SCAPER: variants seen among roughly 807,000 people sequenced by gnomAD.
SCAPER encodes S-phase cyclin A associated protein in the ER, also known as S phase cyclin A-associated protein in the endoplasmic reticulum.
Under a neutral mutation model 182.2 loss-of-function variants are expected in SCAPER, and 98 were observed. That is an observed-to-expected ratio of 0.54 (90% CI 0.46 to 0.64). SCAPER has a LOEUF of 0.64. SCAPER is among the 30% of genes least tolerant of loss of function. The pLI, the probability that SCAPER is intolerant of heterozygous loss-of-function variation, is 0.00. For synonymous variants in SCAPER, 605 were observed against 564.6 expected (o/e 1.07, Z -1.01); for missense variants, 1,432 against 1,690.0 (o/e 0.85, Z 2.68).
chr15:76,846,905 A>G (rs879292948), intron 4 of SCAPER, among the ~76,000 whole-genome samples: 3 of 152,158 alleles, frequency 2.0e-5, no homozygotes, highest in African/African-American at 4.8e-5. Flanking sequence ...CTGCACTCTC[A>G]TGTTTGTTGC....
At chr15:76,540,342 C>T (rs1035178140) in intron 23 of SCAPER, among the ~76,000 whole-genome samples, 1 of 151,738 alleles carries the variant, frequency 6.6e-6, no homozygotes, top group African/African-American at 2.4e-5. Context: ...TTCAAGGCTG[C>T]AGTGAGGTAT....
In SCAPER at chr15:76,354,231, C is replaced by T; in HGVS notation, c.3856-91G>A. 8.3e-7 allele frequency: 1 copy of T among 1,204,818 alleles called. No homozygotes were observed. Among genetic ancestry groups the T allele is most frequent in the Non-Finnish European group, 1.1e-6 (1 of 877,340 alleles). 74.6% of individuals were successfully genotyped at this position (1,204,818 alleles called of 1,614,324 possible). ...CAGTGTCGGCTAGTACCATGGAAAACATGCTGAAGGAGTGTAAAGAAAAAG... is the reference window on the plus strand; with the variant it reads ...CAGTGTCGGCTAGTACCATGGAAAATATGCTGAAGGAGTGTAAAGAAAAAG... On this transcript the variant is annotated intron_variant, in intron 29 of 31. Coordinates refer to ENST00000563290, the MANE Select transcript of SCAPER (RefSeq NM_020843.4). This position sits in a 1 kb window ranked among gnomAD's most constrained non-coding sequence, Gnocchi z 4.4.
chr15:76,895,220 T>G (rs1439154626), intron 1 of SCAPER, among the ~76,000 whole-genome samples: 2 of 152,084 alleles, frequency 1.3e-5, no homozygotes, highest in African/African-American at 4.8e-5. Flanking sequence ...GCAAGAATGG[T>G]TCAACATATG....
At chr15:76,836,492 T>C (rs1332799957) in intron 5 of SCAPER, among the ~76,000 whole-genome samples, 3 of 152,192 alleles carry the variant, frequency 2.0e-5, no homozygotes, top group African/African-American at 7.2e-5. Context: ...TAAATGGTGC[T>C]GGGATAACTA....
intron 5 of SCAPER, among the ~76,000 whole-genome samples, chr15:76,816,182 T>G (rs1254648417): frequency 1.3e-5 from 2 of 152,150 alleles, no homozygotes; most frequent in Non-Finnish European, 2.9e-5. Flanking sequence ...ATACAAAAAT[T>G]TTCTGTCTTC....
intron 25 of SCAPER, among the ~76,000 whole-genome samples, chr15:76,460,675 A>G (rs1164688719): frequency 2.0e-5 from 3 of 152,036 alleles, no homozygotes; most frequent in African/African-American, 7.2e-5. Context: ...ATACTGTCTC[A>G]TAAGTCTCTA....
chr15:76,673,654 C>A (rs1052353447), intron 20 of SCAPER, among the ~76,000 whole-genome samples: 1 of 152,084 alleles, frequency 6.6e-6, no homozygotes, highest in African/African-American at 2.4e-5. Flanking sequence ...TAATTCTGTT[C>A]ACAATGATCA....
At chr15:76,805,872 T>C (rs1257082387) in intron 5 of SCAPER, among the ~76,000 whole-genome samples, 1 of 152,166 alleles carries the variant, frequency 6.6e-6, no homozygotes, top group Non-Finnish European at 1.5e-5. Flanking sequence ...CAGCCGACAT[T>C]TGTATATCTT....
chr15:76,611,811 T>C (rs2145946185), intron 22 of SCAPER, among the ~76,000 whole-genome samples: 1 of 152,312 alleles, frequency 6.6e-6, no homozygotes, highest in Non-Finnish European at 1.5e-5. Context: ...ATAAATATTA[T>C]TCATCACATA....
chr15:76,636,260 G>A (rs984213824), intron 21 of SCAPER, among the ~76,000 whole-genome samples: 6 of 152,126 alleles, frequency 3.9e-5, no homozygotes, highest in Non-Finnish European at 7.4e-5. Flanking sequence ...ATCATCTCCA[G>A]TGAGAAATCA....
At chr15:76,606,121 A>T (rs1395775354) in intron 22 of SCAPER, among the ~76,000 whole-genome samples, 1 of 152,092 alleles carries the variant, frequency 6.6e-6, no homozygotes, top group Non-Finnish European at 1.5e-5. Context: ...TTAGGGTGTC[A>T]ATTTTAGATC....
At chr15:76,403,723 G>T (rs1279658394) in intron 27 of SCAPER, among the ~76,000 whole-genome samples, 1 of 152,150 alleles carries the variant, frequency 6.6e-6, no homozygotes, top group African/African-American at 2.4e-5. Flanking sequence ...TTAATTATAA[G>T]AAAATTATTT....
At chr15:76,593,809 C>T (rs556621863) in intron 22 of SCAPER, among the ~76,000 whole-genome samples, 2 of 120,706 alleles carry the variant, frequency 1.7e-5, no homozygotes, top group Admixed American at 9.4e-5. Context: ...ACACAGAAAC[C>T]CCATCCGAAG....
intron 17 of SCAPER, among the ~76,000 whole-genome samples, chr15:76,725,629 A>G (rs569556214): frequency 1.3e-5 from 2 of 152,278 alleles, no homozygotes; most frequent in African/African-American, 4.8e-5. Context: ...AGTATGGACT[A>G]CCATAAAAAC....
At chr15:76,549,356 C>T (rs1017749359) in intron 23 of SCAPER, among the ~76,000 whole-genome samples, 1 of 152,150 alleles carries the variant, frequency 6.6e-6, no homozygotes, top group African/African-American at 2.4e-5. Context: ...TGGAACCAAC[C>T]CAAATGTCCA....
chr15:76,726,124 A>AATATATATATATATATATATATATAT (rs765875424), intron 17 of SCAPER, among the ~76,000 whole-genome samples: 2 of 15,350 alleles, frequency 1.3e-4, no homozygotes, highest in African/African-American at 2.9e-4. Context: ...TAATGTCTAG[A>AATATATATATATATATATATATATAT]ATATATATAT....
intron 4 of SCAPER, among the ~76,000 whole-genome samples, chr15:76,856,120 GGAACAT>G (rs1190481593): frequency 4.6e-5 from 7 of 152,174 alleles, no homozygotes; most frequent in African/African-American, 1.7e-4. Context: ...GTATTTTGCT[GGAACAT>G]GAATGGAGCT....
chr15:76,497,109 C>CTTTTTTTTTT (rs57202860), intron 24 of SCAPER, among the ~76,000 whole-genome samples: 39,123 of 86,296 alleles, frequency 0.45, 10,311 homozygotes, highest in Middle Eastern at 0.6. Flanking sequence ...TTGGTCTCCT[C>CTTTTTTTTTT]TTTTTTTTTT....
chr15:76,579,727 T>A (rs1038943505), intron 22 of SCAPER, among the ~76,000 whole-genome samples: 4 of 152,248 alleles, frequency 2.6e-5, no homozygotes, highest in African/African-American at 9.6e-5. Context: ...AGGCATGTAA[T>A]GGCCGAATGG....
Sources: allele counts gnomAD v4.1 joint callset (sites outside exome capture counted in the v4.1 genomes callset), GRCh38; gene constraint gnomAD v4.1.1; non-coding constraint Gnocchi (gnomAD v3.1); transcripts MANE v1.5; gene names NCBI Gene and HGNC (gene_info 2026-07-23, HGNC 2026-07-21).